The following TOM1L2 variants were observed in gnomAD, a reference collection of about 807,000 sequenced individuals.
The protein encoded by TOM1L2 is TOM1-like protein 2.
Under a neutral mutation model 67.9 loss-of-function variants are expected in TOM1L2, and 31 were observed. The observed-to-expected ratio is 0.46, with a 90% confidence interval of 0.34 to 0.62. The LOEUF (loss-of-function observed/expected upper bound fraction) is 0.62. Ranked by LOEUF, TOM1L2 falls within the 20% of genes least tolerant of loss-of-function variation. TOM1L2 has a pLI of 0.01. For missense variants in TOM1L2, 606 were observed against 663.5 expected (o/e 0.91, Z 0.95); for synonymous variants, 256 against 254.0 (o/e 1.01, Z -0.07).
At chr17:17,857,714 A>G (rs1392035229) in intron 12 of TOM1L2, 1 of 1,447,378 alleles carries the variant, frequency 6.9e-7, no homozygotes, top group African/African-American at 1.4e-5. Flanking sequence ...ATGAGCTGTT[A>G]CACAGGTAGG....
chr17:17,847,863 C>A, intron 14 of TOM1L2, 80 bp from the exon 15 acceptor site: 3 of 1,593,904 alleles, frequency 1.9e-6, no homozygotes, highest in Non-Finnish European at 2.6e-6. Context: ...CTCCCCAGCC[C>A]GTTTCCTCCT....
At chr17:17,935,641 T>A (rs1057073881) in intron 1 of TOM1L2, among the ~76,000 whole-genome samples, 1 of 152,068 alleles carries the variant, frequency 6.6e-6, no homozygotes, top group Admixed American at 6.6e-5. Context: ...AGTCACCTCC[T>A]CCCTGGGTCT....
chr17:17,925,515 T>G (rs2040045488), intron 1 of TOM1L2, among the ~76,000 whole-genome samples: 6 of 151,792 alleles, frequency 4.0e-5, no homozygotes, highest in Admixed American at 3.9e-4. Context: ...TGACCAAAAC[T>G]AAAAGCCAGT....
chr17:17,874,348 G>A (rs1036483836), intron 7 of TOM1L2, among the ~76,000 whole-genome samples: 10 of 151,932 alleles, frequency 6.6e-5, no homozygotes, highest in Non-Finnish European at 1.0e-4. Flanking sequence ...TCAGCTCACT[G>A]CAACCTCCGC....
At chr17:17,910,344 C>T (rs1311040903) in intron 1 of TOM1L2, among the ~76,000 whole-genome samples, 3 of 152,202 alleles carry the variant, frequency 2.0e-5, no homozygotes, top group Non-Finnish European at 4.4e-5. Flanking sequence ...GTCTGTCTTG[C>T]CTTCCACTGG....
At chr17:17,950,729 T>C (rs1018730181) in intron 1 of TOM1L2, among the ~76,000 whole-genome samples, 2 of 152,040 alleles carry the variant, frequency 1.3e-5, no homozygotes, top group African/African-American at 4.8e-5. Context: ...CAATTGAGAG[T>C]GATAGAAGCC....
chr17:17,950,800 G>A (rs1194185013), intron 1 of TOM1L2, among the ~76,000 whole-genome samples: 1 of 152,218 alleles, frequency 6.6e-6, no homozygotes, highest in Non-Finnish European at 1.5e-5. Context: ...ATCTGTGACA[G>A]CATAGGTGGC....
rs996912239 is a variant in TOM1L2, at chr17:17,843,768, A to T, written c.*3867T>A. The T allele has an allele frequency of 1.3e-5, 2 of 152,506 alleles. No individual in the cohort carries two copies. The highest frequency in any genetic ancestry group is 3.9e-4 in the East Asian group (2 of 5,194). 9.4% of individuals were successfully genotyped at this position (152,506 alleles called of 1,614,324 possible). On this transcript the variant is annotated 3_prime_UTR_variant, in exon 15 of 15. Transcript: ENST00000379504. Reference sequence around the variant, plus strand: ...GCCCCCAACAATCCTGAGAATCCTCACAATTAAGTGCAAACTTTAGGAAAT... The same window carrying T: ...GCCCCCAACAATCCTGAGAATCCTCTCAATTAAGTGCAAACTTTAGGAAAT...
At chr17:17,953,226 G>A (rs1469637764) in intron 1 of TOM1L2, among the ~76,000 whole-genome samples, 1 of 152,200 alleles carries the variant, frequency 6.6e-6, no homozygotes, top group Admixed American at 6.5e-5. Flanking sequence ...GTTGCAGTGA[G>A]CCGAAATCTT....
At chr17:17,866,261 G>A (rs2036843220) in intron 10 of TOM1L2, 35 bp downstream of exon 10, 5 of 1,591,778 alleles carry the variant, frequency 3.1e-6, no homozygotes, top group East Asian at 2.3e-5. Context: ...GTGGTAGGAA[G>A]TAGGTAGGCC....
chr17:17,869,712 T>TC, intron 7 of TOM1L2: 2 of 1,308,338 alleles, frequency 1.5e-6, no homozygotes, highest in Non-Finnish European at 2.0e-6. Context: ...GTTGTATGTA[T>TC]ACAAGTACAT....
chr17:17,881,908 A>G (rs2037743985), intron 6 of TOM1L2, among the ~76,000 whole-genome samples: 1 of 152,362 alleles, frequency 6.6e-6, no homozygotes, highest in South Asian at 2.1e-4. Context: ...TTCCACAGTC[A>G]TGACATTGTC....
rs529620616 is a variant in TOM1L2, at chr17:17,848,940, A to G, written c.1339-81T>C. On this transcript the variant is annotated intron_variant, in intron 13 of 14. Transcript: ENST00000379504. ...CAGCCACCTCTGTCTGCCCATGGCC[A>G]CCCTAGGACAGCACTGCCCAGGGTA... 13 of 1,455,414 alleles carry G rather than the reference A, an allele frequency of 8.9e-6. No homozygotes were observed. In the African/African-American group the frequency reaches 1.7e-4, roughly 19 times the overall value. The allele number at this position is 1,455,414 out of a possible 1,614,324, so 90.2% of individuals were successfully genotyped here.
chr17:17,865,359 C>G (rs373434785), intron 10 of TOM1L2, among the ~76,000 whole-genome samples: 2 of 152,192 alleles, frequency 1.3e-5, no homozygotes, highest in Admixed American at 1.3e-4. Flanking sequence ...GAGCTGAAAC[C>G]TATCTGCCCT....
chr17:17,885,074 G>T (rs569692233), intron 4 of TOM1L2, among the ~76,000 whole-genome samples: 13 of 152,314 alleles, frequency 8.5e-5, no homozygotes, highest in African/African-American at 3.1e-4. Flanking sequence ...TAAAAAGCAG[G>T]AATTTCCCTA....
intron 2 of TOM1L2, among the ~76,000 whole-genome samples, chr17:17,906,419 G>A (rs769922740): frequency 9.9e-5 from 15 of 151,744 alleles, no homozygotes; most frequent in African/African-American, 2.2e-4. Flanking sequence ...GTGACCCACC[G>A]AGCCCAGCCA....
intron 4 of TOM1L2, among the ~76,000 whole-genome samples, chr17:17,891,891 C>G (rs545267664): frequency 2.2e-4 from 34 of 151,874 alleles, no homozygotes; most frequent in African/African-American, 7.5e-4. Flanking sequence ...CTAGGGTAAA[C>G]AGGGGAAGGC....
At chr17:17,921,576 C>T (rs1236870240) in intron 1 of TOM1L2, among the ~76,000 whole-genome samples, 1 of 152,126 alleles carries the variant, frequency 6.6e-6, no homozygotes, top group East Asian at 1.9e-4. Context: ...AGCCAGGCCC[C>T]AAGATGGTGC....
chr17:17,913,181 C>CAGAGGGAGATCCCGTGGGGAGACGGG (rs2039473907), intron 1 of TOM1L2, among the ~76,000 whole-genome samples: 1 of 103,090 alleles, frequency 9.7e-6, no homozygotes, highest in Non-Finnish European at 2.2e-5. Flanking sequence ...ACCGTGGAAA[C>CAGAGGGAGATCCCGTGGGGAGACGGG]AGAGGGAGAG....
Sources: allele counts gnomAD v4.1 joint callset (sites outside exome capture counted in the v4.1 genomes callset), GRCh38; gene constraint gnomAD v4.1.1; transcripts MANE v1.5; gene names NCBI Gene and HGNC (gene_info 2026-07-23, HGNC 2026-07-21).